Variants in AGAP1 observed in about 807,000 individuals in gnomAD.
AGAP1 encodes the protein arf-GAP with GTPase, ANK repeat and PH domain-containing protein 1.
AGAP1 carries 29 observed loss-of-function variants against 105.3 expected under a neutral mutation model. The observed-to-expected ratio is 0.28, with a 90% CI of 0.21 to 0.38. The LOEUF is 0.38. Among genes scored for constraint, AGAP1 ranks in the 10% least tolerant of loss-of-function variants. The pLI is 1.00. For missense variants in AGAP1, 998 were observed against 1,165.1 expected (o/e 0.86, Z 2.09); for synonymous variants, 509 against 485.9 (o/e 1.05, Z -0.63).
intron 13 of AGAP1, among the ~76,000 whole-genome samples, chr2:236,017,547 C>G (rs1422956714): frequency 6.6e-6 from 1 of 151,996 alleles, no homozygotes; most frequent in Non-Finnish European, 1.5e-5. Flanking sequence ...TCAAAGGCAC[C>G]CAAAAAACAC....
At chr2:235,711,796 T>G (rs1950870209) in intron 2 of AGAP1, among the ~76,000 whole-genome samples, 1 of 152,192 alleles carries the variant, frequency 6.6e-6, no homozygotes, top group Admixed American at 6.5e-5. Context: ...GGGCTGCAAT[T>G]GTTTCCCTCC....
chr2:235,884,743 C>T (rs1238959143), intron 10 of AGAP1, among the ~76,000 whole-genome samples: 4 of 152,258 alleles, frequency 2.6e-5, no homozygotes, highest in Admixed American at 6.5e-5. Flanking sequence ...TTTGAGCCAC[C>T]GCGCCTGGCC....
rs893589939 is a variant in AGAP1, at chr2:235,549,134, T to C, written c.163+54285T>C. The stretch of plus-strand genomic sequence containing the variant: ...GCTAATGACTAAATCATTCAAGCCT[T>C]CTTCTTCCTGGATTTTATACCTCCT... On this transcript the variant is annotated intron_variant, in intron 1 of 17. Coordinates refer to ENST00000304032, the MANE Select transcript of AGAP1 (RefSeq NM_001037131.3). This position sits in a 1 kb window ranked among gnomAD's most constrained non-coding sequence, Gnocchi z 4.2. Among the ~76,000 whole-genome samples the C allele has an allele frequency of 3.3e-5, 5 of 152,316 alleles. No individual in the cohort carries two copies. The East Asian group carries it at 7.7e-4, about 24-fold the overall frequency.
intron 1 of AGAP1, among the ~76,000 whole-genome samples, chr2:235,667,367 A>G (rs1407590360): frequency 6.6e-6 from 1 of 152,248 alleles, no homozygotes; most frequent in Admixed American, 6.5e-5. Context: ...GGTAACATTT[A>G]CATTTGATTT....
chr2:235,971,780 T>TTG lies in AGAP1; in HGVS notation c.1645+3157_1645+3158insTG, dbSNP rs1559711537. Among the ~76,000 whole-genome samples, 25 of 135,486 alleles carry TTG rather than the reference T, an allele frequency of 1.8e-4. No homozygotes were observed. Among genetic ancestry groups the TTG allele is most frequent in the African/African-American group, 6.6e-4 (25 of 37,650 alleles). 88.9% of individuals were successfully genotyped at this position (135,486 alleles called of 152,430 possible). ...TTATTTATTTATTTATTTATTTATT[T>TTG]ATTTATTGTATTTTTTGAGACAGGT... On this transcript the variant is annotated intron_variant, in intron 13 of 17. Coordinates refer to ENST00000304032, the MANE Select transcript of AGAP1 (RefSeq NM_001037131.3). The surrounding 1 kb of genome is among the most constrained non-coding windows in gnomAD (Gnocchi z 4.8).
intron 9 of AGAP1, among the ~76,000 whole-genome samples, chr2:235,828,756 C>G (rs866005212): frequency 6.6e-6 from 1 of 152,214 alleles, no homozygotes; most frequent in Admixed American, 6.5e-5. Context: ...CCACATGTTG[C>G]TCGGATGTCA....
In AGAP1 at chr2:235,751,497, G is replaced by T. The variant is rs1211764932; in HGVS notation, c.673+1009G>T. Among the ~76,000 whole-genome samples, 1 of 152,184 alleles carries T rather than the reference G, an allele frequency of 6.6e-6. No individual in the cohort carries two copies. Among genetic ancestry groups the T allele is most frequent in the Non-Finnish European group, 1.5e-5 (1 of 68,046 alleles). ...GGTGATGGAGGACTCGCCGCGCTCT[G>T]ACCTTGAAGACCCACGGTGAAAGCA... On this transcript the variant is annotated intron_variant, in intron 6 of 17. Coordinates refer to ENST00000304032, the MANE Select transcript of AGAP1 (RefSeq NM_001037131.3). The surrounding 1 kb of genome is among the most constrained non-coding windows in gnomAD (Gnocchi z 5.3).
intron 2 of AGAP1, among the ~76,000 whole-genome samples, chr2:235,710,937 G>A (rs1163575966): frequency 6.6e-6 from 1 of 152,170 alleles, no homozygotes; most frequent in Non-Finnish European, 1.5e-5. Flanking sequence ...CCTGACAAGT[G>A]CCCCATGGGG....
chr2:235,690,599 T>C lies in AGAP1; in HGVS notation c.164-18580T>C, dbSNP rs1338482117. On this transcript the variant is annotated intron_variant, in intron 1 of 17. Coordinates refer to ENST00000304032, the MANE Select transcript of AGAP1 (RefSeq NM_001037131.3). The surrounding 1 kb of genome is among the most constrained non-coding windows in gnomAD (Gnocchi z 4.1). Reference sequence around the variant, plus strand: ...GAGGTAGAATGGATATTGCTAAAGCTGAGAGCTACAGCAGAGCGTCTGCTT... The same window carrying C: ...GAGGTAGAATGGATATTGCTAAAGCCGAGAGCTACAGCAGAGCGTCTGCTT... Among the ~76,000 whole-genome samples, 2 of 152,174 alleles carry C rather than the reference T, an allele frequency of 1.3e-5. No homozygotes were observed. The highest frequency in any genetic ancestry group is 4.8e-5 in the African/African-American group (2 of 41,456).
chr2:235,499,853 G>C (rs1423789284), intron 1 of AGAP1, among the ~76,000 whole-genome samples: 2 of 152,184 alleles, frequency 1.3e-5, no homozygotes, highest in Admixed American at 1.3e-4. Flanking sequence ...TCAGTGGTTT[G>C]ATAGATCACG....
At chr2:235,613,499 CTG>C (rs1206221137) in intron 1 of AGAP1, among the ~76,000 whole-genome samples, 1 of 152,176 alleles carries the variant, frequency 6.6e-6, no homozygotes, top group Non-Finnish European at 1.5e-5. Flanking sequence ...TGAGCAGAAA[CTG>C]TGGATTCAGA....
chr2:235,914,074 A>C (rs1485809123), intron 11 of AGAP1, among the ~76,000 whole-genome samples: 1 of 151,808 alleles, frequency 6.6e-6, no homozygotes, highest in African/African-American at 2.4e-5. Flanking sequence ...GGGGTCTATT[A>C]TGTCATCTAA....
intron 1 of AGAP1, among the ~76,000 whole-genome samples, chr2:235,508,984 G>A (rs930688745): frequency 3.9e-5 from 6 of 152,198 alleles, no homozygotes; most frequent in African/African-American, 9.6e-5. Context: ...AGTCGGGGGC[G>A]TGGTGGTGGC....
intron 5 of AGAP1, among the ~76,000 whole-genome samples, chr2:235,746,806 C>T (rs967599358): frequency 3.3e-5 from 5 of 152,070 alleles, no homozygotes; most frequent in Admixed American, 2.0e-4. Context: ...CTTTAGGACT[C>T]AGAATGGGCT....
At position 235,550,755 on chromosome 2, in the gene AGAP1, A is replaced by T. The variant is rs1450332988; in HGVS notation, c.163+55906A>T. ...CCAAAGAGTGAGCTCTTTGATGCTG[A>T]TGAGATAGTGTTTATTTATTTTTAT... On this transcript the variant is annotated intron_variant, in intron 1 of 17. Transcript: ENST00000304032. This position sits in a 1 kb window ranked among gnomAD's most constrained non-coding sequence, Gnocchi z 4.6. Among the ~76,000 whole-genome samples the T allele has an allele frequency of 6.6e-6, 1 of 152,118 alleles. No homozygotes were observed. Among genetic ancestry groups the T allele is most frequent in the African/African-American group, 2.4e-5 (1 of 41,428 alleles).
intron 1 of AGAP1, among the ~76,000 whole-genome samples, chr2:235,630,221 C>CT (rs914473890): frequency 6.1e-4 from 91 of 149,316 alleles, no homozygotes; most frequent in East Asian, 2.7e-3. Context: ...TCTTTCTGTA[C>CT]TTTTTTTTTT....
Position 235,889,675 on chromosome 2 carries a change from A to G in AGAP1, c.1155+6226A>G, listed in dbSNP as rs190299409. Reference sequence around the variant, plus strand: ...CTGTCCTTTACTTAGGACATAAGCTAAATCTACATACCCTTCCTACACCAC... The same window carrying G: ...CTGTCCTTTACTTAGGACATAAGCTGAATCTACATACCCTTCCTACACCAC... On this transcript the variant is annotated intron_variant, in intron 10 of 17. Coordinates refer to ENST00000304032, the MANE Select transcript of AGAP1 (RefSeq NM_001037131.3). This position sits in a 1 kb window ranked among gnomAD's most constrained non-coding sequence, Gnocchi z 4.6. Among the ~76,000 whole-genome samples, 4 of 152,106 alleles carry G rather than the reference A, an allele frequency of 2.6e-5. No individual in the cohort carries two copies. In the East Asian group the frequency reaches 7.8e-4, roughly 29 times the overall value.
At chr2:235,852,595 G>T in intron 9 of AGAP1, 1 of 1,230,180 alleles carries the variant, frequency 8.1e-7, no homozygotes, top group Non-Finnish European at 1.1e-6. Context: ...TGAAGTAAGG[G>T]TTAGGTAATT....
intron 9 of AGAP1, among the ~76,000 whole-genome samples, chr2:235,823,140 A>G (rs1244110224): frequency 6.6e-6 from 1 of 152,174 alleles, no homozygotes; most frequent in Non-Finnish European, 1.5e-5. Context: ...GAGAACAAAA[A>G]CTATGTATAG....
Sources: allele counts gnomAD v4.1 joint callset (sites outside exome capture counted in the v4.1 genomes callset), GRCh38; gene constraint gnomAD v4.1.1; non-coding constraint Gnocchi (gnomAD v3.1); transcripts MANE v1.5; gene names NCBI Gene and HGNC (gene_info 2026-07-23, HGNC 2026-07-21).